DACH2: variants seen among roughly 807,000 people sequenced by gnomAD.
DACH2 encodes dachshund family transcription factor 2, also known as dachshund homolog 2.
Under a neutral mutation model 35.8 loss-of-function variants are expected in DACH2, and 17 were observed. The observed-to-expected ratio is 0.48, with a 90% CI of 0.33 to 0.71. DACH2 has a LOEUF of 0.71. DACH2 is among the 30% of genes least tolerant of loss of function. The pLI, the probability that DACH2 is intolerant of heterozygous loss-of-function variation, is 0.02. For missense variants in DACH2, 469 were observed against 472.7 expected (o/e 0.99, Z 0.07); for synonymous variants, 195 against 177.3 (o/e 1.10, Z -0.79).
chrX:86,281,056 C>T (rs1214001406), intron 1 of DACH2, among the ~76,000 whole-genome samples: 4 of 111,371 alleles, frequency 3.6e-5, no homozygotes, highest in African/African-American at 1.3e-4. Context: ...ACAAAATTAG[C>T]AAGGATATTC....
At chrX:86,808,705 A>G (rs2147345989) in intron 7 of DACH2, among the ~76,000 whole-genome samples, 1 of 111,266 alleles carries the variant, frequency 9.0e-6, no homozygotes, top group South Asian at 3.8e-4. Context: ...TCTCAAATAA[A>G]ATAATAAAGT....
intron 7 of DACH2, among the ~76,000 whole-genome samples, chrX:86,744,993 T>C (rs1328025837): frequency 9.0e-6 from 1 of 110,694 alleles, no homozygotes; most frequent in Non-Finnish European, 1.9e-5. Context: ...CTATCAGGAA[T>C]AGGGTTTTTG....
In DACH2 at chrX:86,671,106, T is replaced by C. The variant is rs781770113; in HGVS notation, c.772+19939T>C. ...AATCACATTTGAGTGACAAAAAGTC[T>C]GTATGTCTTCTCTGCCATATGAGTA... On this transcript the variant is annotated intron_variant, in intron 4 of 11. Transcript: ENST00000373125. Among the ~76,000 whole-genome samples, 4 of 112,379 alleles carry C rather than the reference T, an allele frequency of 3.6e-5. No homozygotes were observed. In the South Asian group the frequency reaches 1.5e-3, roughly 42 times the overall value.
At chrX:86,364,832 A>C (rs1473054589) in intron 1 of DACH2, among the ~76,000 whole-genome samples, 2 of 111,892 alleles carry the variant, frequency 1.8e-5, no homozygotes, top group Admixed American at 1.9e-4. Flanking sequence ...TAGGGAAAAA[A>C]ATACATGCCT....
At chrX:86,176,684 A>T (rs2031315088) in intron 1 of DACH2, among the ~76,000 whole-genome samples, 1 of 112,134 alleles carries the variant, frequency 8.9e-6, no homozygotes, top group Admixed American at 9.5e-5. Context: ...ATTCACCATG[A>T]TATGAAGGTT....
chrX:86,254,807 T>TATAG (rs1380613474), intron 1 of DACH2, among the ~76,000 whole-genome samples: 675 of 49,563 alleles, frequency 0.014, 15 homozygotes, highest in Non-Finnish European at 0.017. Flanking sequence ...TATATATATA[T>TATAG]AGAGAGAGAG....
intron 1 of DACH2, among the ~76,000 whole-genome samples, chrX:86,165,201 G>A (rs944951684): frequency 1.8e-5 from 2 of 111,128 alleles, no homozygotes; most frequent in Non-Finnish European, 3.8e-5. Flanking sequence ...GGGCAATTGT[G>A]TACCACATTT....
chrX:86,632,460 T>C (rs899124878), intron 3 of DACH2, among the ~76,000 whole-genome samples: 2 of 107,159 alleles, frequency 1.9e-5, no homozygotes, highest in African/African-American at 6.8e-5. Flanking sequence ...TTGGACCTAA[T>C]ATACATGCCA....
chrX:86,667,303 AAAGAAGGAAGGAAG>A (rs1569463391), intron 4 of DACH2, among the ~76,000 whole-genome samples: 49 of 63,310 alleles, frequency 7.7e-4, no homozygotes, highest in African/African-American at 2.9e-3. Context: ...GGAAGGAAGG[AAAGAAGGAAGGAAG>A]GAAGGAAGGA....
chrX:86,439,745 A>C, intron 2 of DACH2, among the ~76,000 whole-genome samples: 1 of 111,439 alleles, frequency 9.0e-6, no homozygotes, highest in Non-Finnish European at 1.9e-5. Flanking sequence ...CTTCATTTCT[A>C]ATTTGTGCCT....
intron 7 of DACH2, among the ~76,000 whole-genome samples, chrX:86,788,928 C>T (rs2042162992): frequency 1.8e-5 from 2 of 111,512 alleles, no homozygotes; most frequent in Non-Finnish European, 3.8e-5. Context: ...TCCTAAGGTA[C>T]ATCTAAGTAC....
chrX:86,667,533 GAAAGAAAGAAAGAAGAAAGA>G (rs1176036819), intron 4 of DACH2, among the ~76,000 whole-genome samples: 689 of 59,733 alleles, frequency 0.012, 4 homozygotes, highest in African/African-American at 0.02. Flanking sequence ...AAGAAAGAAA[GAAAGAAAGAAAGAAGAAAGA>G]AAGAAAGAAA....
chrX:86,318,398 G>A (rs904651574), intron 1 of DACH2, among the ~76,000 whole-genome samples: 12 of 111,193 alleles, frequency 1.1e-4, no homozygotes, highest in African/African-American at 3.3e-4. Flanking sequence ...AAATTCCACA[G>A]ATGATTATAA....
chrX:86,723,778 T>C (rs1319912341), intron 6 of DACH2, among the ~76,000 whole-genome samples: 2 of 111,822 alleles, frequency 1.8e-5, no homozygotes, highest in African/African-American at 3.2e-5. Flanking sequence ...AGTTGTTAGA[T>C]AGAATATTCT....
chrX:86,158,133 C>T (rs1217702690), intron 1 of DACH2, among the ~76,000 whole-genome samples: 1 of 111,185 alleles, frequency 9.0e-6, no homozygotes, highest in African/African-American at 3.3e-5. Flanking sequence ...ATAGTAAATG[C>T]GCAGACACTG....
intron 7 of DACH2, among the ~76,000 whole-genome samples, chrX:86,788,273 G>A (rs1306558942): frequency 9.0e-6 from 1 of 110,875 alleles, no homozygotes; most frequent in East Asian, 2.9e-4. Flanking sequence ...CTGGGAAGCT[G>A]CTGATCACCG....
Position 86,816,057 on chromosome X carries a change from A to G in DACH2, c.1708A>G (p.Ile570Val). Residue 570 changes from isoleucine (I) to valine (V), a missense_variant, in exon 11 of 12, where the codon ATA (isoleucine) becomes GTA (valine). Ile to Val is a conservative substitution (Grantham distance 29, BLOSUM62 3). Coordinates refer to ENST00000373125, the MANE Select transcript of DACH2 (RefSeq NM_053281.3). ...LKDTGIPDIE[I>V]ENNGTPHDSA... The stretch of plus-strand genomic sequence containing the variant: ...AGATACTGGAATTCCAGATATTGAA[A>G]TAGAAAACAATGGGACTCCTCATGA... The G allele has an allele frequency of 8.4e-7, 1 of 1,190,800 alleles. No individual in the cohort carries two copies. Among genetic ancestry groups the G allele is most frequent in the Non-Finnish European group, 1.1e-6 (1 of 884,988 alleles).
rs2036275118 is a variant in DACH2, at chrX:86,395,672, A to C, written c.527+18810A>C. On this transcript the variant is annotated intron_variant, in intron 2 of 11. Coordinates refer to ENST00000373125, the MANE Select transcript of DACH2 (RefSeq NM_053281.3). ...TTGTCCTTGCGATAGTTTGCTGAGA[A>C]TGATGGTTTCCAGCTTCATCCATGT... Among the ~76,000 whole-genome samples the C allele has an allele frequency of 2.7e-5, 3 of 111,404 alleles. No individual in the cohort carries two copies. In the South Asian group the frequency reaches 1.1e-3, roughly 42 times the overall value.
At chrX:86,398,547 A>C (rs944468796) in intron 2 of DACH2, among the ~76,000 whole-genome samples, 3 of 111,826 alleles carry the variant, frequency 2.7e-5, no homozygotes, top group Non-Finnish European at 5.6e-5. Flanking sequence ...ATTTCCCTCT[A>C]CACACTGCTT....
Sources: gnomAD v4.1 joint callset for allele counts (sites outside exome capture counted in the v4.1 genomes callset) on GRCh38, gnomAD v4.1.1 for gene constraint, MANE v1.5 for transcripts, NCBI Gene and HGNC (gene_info 2026-07-23, HGNC 2026-07-21) for gene names.